NBEA: variants seen among roughly 807,000 people sequenced by gnomAD.
The protein encoded by NBEA is neurobeachin.
NBEA carries 44 observed loss-of-function variants against 343.4 expected under a neutral mutation model. The observed-to-expected ratio is 0.13, with a 90% CI of 0.10 to 0.16. The LOEUF (loss-of-function observed/expected upper bound fraction) is 0.16, where lower values mean the gene tolerates loss of function less well. Ranked by LOEUF, NBEA falls within the 10% of genes least tolerant of loss-of-function variation. The probability of loss-of-function intolerance (pLI) is 1.00; values close to 1 mark genes in which losing one functional copy is unlikely to be tolerated. For synonymous variants in NBEA, 1,175 were observed against 1,238.7 expected, an observed-to-expected ratio of 0.95 and a Z score of 1.08; for missense variants, 2,555 against 3,631.3, an observed-to-expected ratio of 0.70 and a Z score of 7.62.
chr13:35,099,175 G>GC, intron 11 of NBEA, among the ~76,000 whole-genome samples: 1 of 150,044 alleles, frequency 6.7e-6, no homozygotes, highest in East Asian at 2.0e-4. Context: ...GATCACAGGC[G>GC]CGCACCACCA....
intron 31 of NBEA, among the ~76,000 whole-genome samples, chr13:35,197,193 G>A (rs1320796620): frequency 1.3e-5 from 2 of 151,938 alleles, no homozygotes; most frequent in Non-Finnish European, 2.9e-5. Context: ...TAATGTTTGC[G>A]TGTTAATGTA....
intron 34 of NBEA, among the ~76,000 whole-genome samples, chr13:35,273,555 A>G (rs1398585653): frequency 6.6e-6 from 1 of 152,184 alleles, no homozygotes; most frequent in Non-Finnish European, 1.5e-5. Flanking sequence ...ACCCTTCAAA[A>G]AAAGTCAGTG....
At chr13:35,558,789 T>C in intron 44 of NBEA, among the ~76,000 whole-genome samples, 1 of 152,112 alleles carries the variant, frequency 6.6e-6, no homozygotes, top group Non-Finnish European at 1.5e-5. Context: ...AGGGCAAGAT[T>C]TGCATATAAA....
intron 55 of NBEA, among the ~76,000 whole-genome samples, chr13:35,660,386 T>C (rs570902412): frequency 1.3e-5 from 2 of 152,360 alleles, no homozygotes. Context: ...AAAGAGGATT[T>C]ACCGTTCATC....
chr13:35,350,102 A>G (rs2040106283), intron 37 of NBEA, among the ~76,000 whole-genome samples: 1 of 152,168 alleles, frequency 6.6e-6, no homozygotes, highest in African/African-American at 2.4e-5. Flanking sequence ...TCGTATTAGT[A>G]AAGATTTGGA....
chr13:35,047,727 T>G (rs1000198061), intron 4 of NBEA, among the ~76,000 whole-genome samples: 2 of 151,352 alleles, frequency 1.3e-5, no homozygotes, highest in African/African-American at 4.9e-5. Context: ...AATTTAAATT[T>G]TATTCTGAAT....
chr13:35,404,993 T>C (rs947276603), intron 38 of NBEA, among the ~76,000 whole-genome samples: 1 of 152,028 alleles, frequency 6.6e-6, no homozygotes, highest in Non-Finnish European at 1.5e-5. Context: ...TTCTAAATAA[T>C]GCAGTAAGAG....
At chr13:35,003,336 C>T (rs1352142515) in intron 1 of NBEA, among the ~76,000 whole-genome samples, 2 of 152,052 alleles carry the variant, frequency 1.3e-5, no homozygotes, top group East Asian at 3.9e-4. Context: ...TGCCACTGCA[C>T]TAGCCTGGGC....
In NBEA at chr13:35,476,274, G is replaced by A. The variant is rs538658864; in HGVS notation, c.6585+3738G>A. On this transcript the variant is annotated intron_variant, in intron 41 of 58. Transcript: ENST00000379939. Reference sequence around the variant, plus strand: ...AGAAATGGATCAAAAATGCCTTTCGGAAGTGCTGCAGCGTTGGTTTCCCTG... The same window carrying A: ...AGAAATGGATCAAAAATGCCTTTCGAAAGTGCTGCAGCGTTGGTTTCCCTG... The A allele has an allele frequency of 2.4e-5, 34 of 1,427,188 alleles. No homozygotes were observed. The African/African-American group carries it at 3.1e-4, about 13-fold the overall frequency. 88.4% of individuals were successfully genotyped at this position (1,427,188 alleles called of 1,614,324 possible).
intron 44 of NBEA, among the ~76,000 whole-genome samples, chr13:35,560,777 T>C (rs1048602899): frequency 4.6e-5 from 7 of 152,146 alleles, no homozygotes; most frequent in Non-Finnish European, 8.8e-5. Context: ...CATGACTGGA[T>C]TGGGGGCTTT....
intron 41 of NBEA, chr13:35,475,606 C>T: frequency 6.2e-7 from 1 of 1,613,678 alleles, no homozygotes; most frequent in Non-Finnish European, 8.5e-7. Flanking sequence ...CGGCCAGATC[C>T]CGGTGCATTT....
At chr13:35,416,153 C>G (rs1661946816) in intron 38 of NBEA, among the ~76,000 whole-genome samples, 1 of 152,112 alleles carries the variant, frequency 6.6e-6, no homozygotes, top group Non-Finnish European at 1.5e-5. Context: ...ATGGGGTTTT[C>G]TAAATATACA....
chr13:35,020,855 TG>T (rs2152541081), intron 1 of NBEA, among the ~76,000 whole-genome samples: 1 of 152,148 alleles, frequency 6.6e-6, no homozygotes, highest in South Asian at 2.1e-4. Flanking sequence ...TTTTTTTATA[TG>T]GGGGGAGGTG....
chr13:35,316,283 AGT>A (rs902000657), intron 36 of NBEA, among the ~76,000 whole-genome samples: 1 of 151,484 alleles, frequency 6.6e-6, no homozygotes, highest in African/African-American at 2.4e-5. Flanking sequence ...AACAGGCCCC[AGT>A]GTGTGATGTT....
In NBEA at chr13:35,240,025, G is replaced by T. The variant is rs143701301; in HGVS notation, c.5776+7406G>T. On this transcript the variant is annotated intron_variant, in intron 34 of 58. Coordinates refer to ENST00000379939, the MANE Select transcript of NBEA (RefSeq NM_001385012.1). ...ATAAATCTATTAGGTTGGTGCAAAA[G>T]TAATTGCGATTTTATTAGCAATTGG... 3.5e-3 allele frequency among the ~76,000 whole-genome samples: 508 copies of T among 146,952 alleles called. 1 individual carries two copies. The highest frequency in any genetic ancestry group is 4.3e-3 in the Non-Finnish European group (286 of 66,504).
At chr13:35,137,576 A>G (rs958572794) in intron 17 of NBEA, among the ~76,000 whole-genome samples, 4 of 151,534 alleles carry the variant, frequency 2.6e-5, no homozygotes, top group South Asian at 2.1e-4. Flanking sequence ...GATGCTTTTT[A>G]TTTAAAATAA....
chr13:35,026,224 T>TA (rs1368149053), intron 1 of NBEA, among the ~76,000 whole-genome samples: 1 of 152,102 alleles, frequency 6.6e-6, no homozygotes, highest in African/African-American at 2.4e-5. Flanking sequence ...GCCATAAGTG[T>TA]AAGTTTCCTG....
intron 45 of NBEA, among the ~76,000 whole-genome samples, chr13:35,571,956 A>T (rs1293196848): frequency 6.6e-6 from 1 of 152,120 alleles, no homozygotes; most frequent in Non-Finnish European, 1.5e-5. Flanking sequence ...GAGCAAAAAA[A>T]AAGTTCTTTA....
At chr13:35,271,214 G>A (rs2034120827) in intron 34 of NBEA, among the ~76,000 whole-genome samples, 1 of 152,190 alleles carries the variant, frequency 6.6e-6, no homozygotes, top group Admixed American at 6.5e-5. Flanking sequence ...CAGGCAAACA[G>A]GGTCTAAAGT....
Sources: allele counts gnomAD v4.1 joint callset (sites outside exome capture counted in the v4.1 genomes callset), GRCh38; gene constraint gnomAD v4.1.1; transcripts MANE v1.5; gene names NCBI Gene and HGNC (gene_info 2026-07-23, HGNC 2026-07-21).